SLC25A13: variants seen among roughly 807,000 people sequenced by gnomAD.
SLC25A13 encodes the protein solute carrier family 25 member 13, also known as electrogenic aspartate/glutamate antiporter SLC25A13, mitochondrial.
In SLC25A13, 70 loss-of-function variants were observed where a neutral mutation model predicts 85.5. The observed-to-expected ratio is 0.82, with a 90% CI of 0.68 to 1.00. The LOEUF (loss-of-function observed/expected upper bound fraction) is 1.00, where lower values mean the gene tolerates loss of function less well. Ranked by LOEUF, SLC25A13 falls within the 50% of genes least tolerant of loss-of-function variation. SLC25A13 has a pLI of 0.00. For synonymous variants in SLC25A13, 259 were observed against 288.7 expected (o/e 0.90, Z 1.04); for missense variants, 765 against 819.8 (o/e 0.93, Z 0.82).
At chr7:96,163,556 T>C (rs1793605370) in intron 13 of SLC25A13, among the ~76,000 whole-genome samples, 1 of 152,216 alleles carries the variant, frequency 6.6e-6, no homozygotes, top group Non-Finnish European at 1.5e-5. Context: ...TTATTTGTTA[T>C]GCAGCAATAG....
At chr7:96,275,590 A>G (rs527312322) in intron 3 of SLC25A13, among the ~76,000 whole-genome samples, 1 of 152,340 alleles carries the variant, frequency 6.6e-6, no homozygotes, top group East Asian at 1.9e-4. Flanking sequence ...TTGCAGGGAC[A>G]TGGATGAAGC....
At position 96,120,884 on chromosome 7, in the gene SLC25A13, G is replaced by A; in HGVS notation, c.*307C>T. On this transcript the variant is annotated 3_prime_UTR_variant, in exon 18 of 18. Transcript: ENST00000265631. Reference sequence around the variant, plus strand: ...GACTACAATCCTAGTTCAAGGAGGGGAGTACTAATTTCTATTCTGACTTGC... The same window carrying A: ...GACTACAATCCTAGTTCAAGGAGGGAAGTACTAATTTCTATTCTGACTTGC... The A allele has an allele frequency of 2.0e-6, 1 of 507,650 alleles. No homozygotes were observed. The highest frequency in any genetic ancestry group is 1.5e-5 in the South Asian group (1 of 64,940). The allele number at this position is 507,650 out of a possible 1,614,324, so 31.4% of individuals were successfully genotyped here.
chr7:96,275,076 T>C (rs948781827), intron 3 of SLC25A13, among the ~76,000 whole-genome samples: 3 of 152,236 alleles, frequency 2.0e-5, no homozygotes, highest in Admixed American at 1.3e-4. Context: ...GGGGATGGCA[T>C]TGAATCTATA....
At position 96,309,141 on chromosome 7, in the gene SLC25A13, C is replaced by A. The variant is rs528668140; in HGVS notation, c.16-12190G>T. Among the ~76,000 whole-genome samples the A allele has an allele frequency of 2.0e-5, 3 of 152,320 alleles. No individual in the cohort carries two copies. The East Asian group carries it at 5.8e-4, about 29-fold the overall frequency. Reference sequence around the variant, plus strand: ...GAGCACAACAAAGTCAAAGAAGAGACAGGATATCACCCTCTTGTCCTTCAA... The same window carrying A: ...GAGCACAACAAAGTCAAAGAAGAGAAAGGATATCACCCTCTTGTCCTTCAA... On this transcript the variant is annotated intron_variant, in intron 1 of 17. Transcript: ENST00000265631.
At chr7:96,303,222 A>T (rs1473277335) in intron 1 of SLC25A13, among the ~76,000 whole-genome samples, 1 of 152,160 alleles carries the variant, frequency 6.6e-6, no homozygotes, top group African/African-American at 2.4e-5. Context: ...CCCAAACCTG[A>T]AACATCTGAA....
intron 2 of SLC25A13, among the ~76,000 whole-genome samples, chr7:96,285,804 T>C (rs764045618): frequency 6.6e-6 from 1 of 152,210 alleles, no homozygotes; most frequent in Non-Finnish European, 1.5e-5. Flanking sequence ...TCCTGGTGTT[T>C]TATTTAAATG....
chr7:96,209,363 C>CACACACAT (rs988859130), intron 4 of SLC25A13, among the ~76,000 whole-genome samples: 2 of 151,396 alleles, frequency 1.3e-5, no homozygotes, highest in African/African-American at 4.9e-5. Flanking sequence ...TACACACACA[C>CACACACAT]ACACACACAC....
At chr7:96,128,642 C>T (rs911504326) in intron 15 of SLC25A13, among the ~76,000 whole-genome samples, 3 of 151,768 alleles carry the variant, frequency 2.0e-5, no homozygotes, top group Admixed American at 1.3e-4. Flanking sequence ...CTAATGCATG[C>T]GGGGCTTAAA....
At chr7:96,279,594 CA>C (rs770399630) in intron 2 of SLC25A13, among the ~76,000 whole-genome samples, 6 of 152,126 alleles carry the variant, frequency 3.9e-5, no homozygotes, top group Non-Finnish European at 7.4e-5. Context: ...AAACCACCCC[CA>C]TGACTCAATG....
At chr7:96,244,323 T>C (rs1199844715) in intron 3 of SLC25A13, among the ~76,000 whole-genome samples, 1 of 152,176 alleles carries the variant, frequency 6.6e-6, no homozygotes, top group Non-Finnish European at 1.5e-5. Context: ...TGCTCCTAAG[T>C]AAAGATTTTT....
At chr7:96,148,339 T>G (rs1279581541) in intron 13 of SLC25A13, among the ~76,000 whole-genome samples, 1 of 152,192 alleles carries the variant, frequency 6.6e-6, no homozygotes, top group Admixed American at 6.5e-5. Flanking sequence ...TCTGTTTTGC[T>G]CAGATGCTGC....
intron 6 of SLC25A13, among the ~76,000 whole-genome samples, chr7:96,191,540 T>C (rs1794853655): frequency 6.6e-6 from 1 of 152,210 alleles, no homozygotes. Context: ...CAAATTTCAA[T>C]TGGAAATGTT....
chr7:96,149,921 C>T (rs898408009), intron 13 of SLC25A13, among the ~76,000 whole-genome samples: 2 of 152,142 alleles, frequency 1.3e-5, no homozygotes, highest in African/African-American at 4.8e-5. Context: ...AATGTCTTTG[C>T]GTCCCTCATC....
intron 13 of SLC25A13, among the ~76,000 whole-genome samples, chr7:96,151,551 C>T (rs1173351203): frequency 2.0e-5 from 3 of 150,666 alleles, no homozygotes; most frequent in South Asian, 2.1e-4. Context: ...GAGCCAGGAT[C>T]GTGCCACTGC....
At chr7:96,216,147 CTG>C (rs1795892643) in intron 4 of SLC25A13, among the ~76,000 whole-genome samples, 1 of 149,538 alleles carries the variant, frequency 6.7e-6, no homozygotes. Flanking sequence ...CAGAGAGAGA[CTG>C]TCTCAAAAGA....
intron 5 of SLC25A13, among the ~76,000 whole-genome samples, chr7:96,205,535 C>T (rs1245413565): frequency 1.3e-5 from 2 of 151,956 alleles, no homozygotes; most frequent in African/African-American, 4.8e-5. Context: ...GAAATGTGAC[C>T]CCACTCCCTG....
intron 11 of SLC25A13, among the ~76,000 whole-genome samples, chr7:96,177,467 T>A (rs921914787): frequency 2.0e-5 from 3 of 152,198 alleles, no homozygotes; most frequent in African/African-American, 7.2e-5. Context: ...GAACACGAGG[T>A]CTGGAGCCAG....
intron 2 of SLC25A13, among the ~76,000 whole-genome samples, chr7:96,284,852 G>T (rs1285670727): frequency 6.6e-6 from 1 of 152,156 alleles, no homozygotes; most frequent in Non-Finnish European, 1.5e-5. Context: ...AAACCTCTTT[G>T]CCTGATAAAT....
At chr7:96,186,661 T>C (rs1794657120) in intron 9 of SLC25A13, among the ~76,000 whole-genome samples, 1 of 152,174 alleles carries the variant, frequency 6.6e-6, no homozygotes, top group South Asian at 2.1e-4. Flanking sequence ...AAAATGATAC[T>C]GTAAAAGAAT....
Sources: allele counts gnomAD v4.1 joint callset (sites outside exome capture counted in the v4.1 genomes callset), GRCh38; gene constraint gnomAD v4.1.1; transcripts MANE v1.5; gene names NCBI Gene and HGNC (gene_info 2026-07-23, HGNC 2026-07-21).